TRAPPC9: variants seen among roughly 807,000 people sequenced by gnomAD.
The protein encoded by TRAPPC9 is trafficking protein particle complex subunit 9, also known as IKK2 binding protein.
In TRAPPC9, 83 loss-of-function variants were observed where a neutral mutation model predicts 124.0. The observed-to-expected ratio is 0.67, with a 90% CI of 0.56 to 0.80. The LOEUF is 0.80. TRAPPC9 is among the 30% of genes least tolerant of loss of function. The probability of loss-of-function intolerance (pLI) is 0.00; values close to 1 mark genes in which losing one functional copy is unlikely to be tolerated. For missense variants in TRAPPC9, 1,302 were observed against 1,508.3 expected (o/e 0.86, Z 2.27); for synonymous variants, 638 against 617.5 (o/e 1.03, Z -0.49).
At chr8:140,220,224 T>A (rs1422036958) in intron 17 of TRAPPC9, among the ~76,000 whole-genome samples, 1 of 152,062 alleles carries the variant, frequency 6.6e-6, no homozygotes, top group Non-Finnish European at 1.5e-5. Context: ...TACGATCCAT[T>A]ACCTAAAAGA....
chr8:140,449,807 T>C (rs1353806885), intron 2 of TRAPPC9, among the ~76,000 whole-genome samples: 1 of 152,226 alleles, frequency 6.6e-6, no homozygotes, highest in African/African-American at 2.4e-5. Context: ...AGCTAGGACC[T>C]AGCCCTTACC....
chr8:140,417,050 C>T (rs1409517598), intron 5 of TRAPPC9, among the ~76,000 whole-genome samples: 2 of 152,148 alleles, frequency 1.3e-5, no homozygotes, highest in Non-Finnish European at 2.9e-5. Flanking sequence ...CTTCCTTACA[C>T]CTTATACAAA....
chr8:140,403,414 G>A (rs2069350715), intron 6 of TRAPPC9, among the ~76,000 whole-genome samples: 1 of 150,440 alleles, frequency 6.6e-6, no homozygotes, highest in African/African-American at 2.4e-5. Flanking sequence ...GGGCAACAGA[G>A]CGAGACTCTG....
At chr8:139,936,355 A>C (rs368427655) in intron 19 of TRAPPC9, among the ~76,000 whole-genome samples, 87 of 152,372 alleles carry the variant, frequency 5.7e-4, no homozygotes, top group African/African-American at 2.1e-3. Flanking sequence ...TGCCAGGAGC[A>C]CAAGGCCACA....
intron 21 of TRAPPC9, among the ~76,000 whole-genome samples, chr8:139,816,988 T>C (rs1824882571): frequency 6.6e-6 from 1 of 151,734 alleles, no homozygotes; most frequent in Non-Finnish European, 1.5e-5. Flanking sequence ...CTTGCATTTT[T>C]GATGAATCCT....
At chr8:140,090,829 A>G (rs1844521162) in intron 17 of TRAPPC9, among the ~76,000 whole-genome samples, 1 of 152,194 alleles carries the variant, frequency 6.6e-6, no homozygotes, top group Non-Finnish European at 1.5e-5. Flanking sequence ...CTGTTCATTG[A>G]CAGCGGAGGC....
At chr8:139,988,105 CTTTTTT>C (rs773534032) in intron 19 of TRAPPC9, among the ~76,000 whole-genome samples, 1 of 114,470 alleles carries the variant, frequency 8.7e-6, no homozygotes. Flanking sequence ...GATACCACCT[CTTTTTT>C]TTTTTTTTTT....
intron 20 of TRAPPC9, among the ~76,000 whole-genome samples, chr8:139,895,643 T>C (rs1458149351): frequency 3.9e-5 from 6 of 152,216 alleles, no homozygotes; most frequent in Non-Finnish European, 8.8e-5. Flanking sequence ...GAGTTCACTA[T>C]GGGCCTGGGA....
At chr8:140,122,119 C>T (rs2061001074) in intron 17 of TRAPPC9, among the ~76,000 whole-genome samples, 1 of 151,824 alleles carries the variant, frequency 6.6e-6, no homozygotes, top group South Asian at 2.1e-4. Flanking sequence ...TGGGAAACTT[C>T]AATGAGTCAA....
chr8:139,937,921 A>ACC (rs1833639428), intron 19 of TRAPPC9, among the ~76,000 whole-genome samples: 3 of 152,148 alleles, frequency 2.0e-5, no homozygotes, highest in Admixed American at 1.3e-4. Context: ...GGTGAAATGC[A>ACC]TTACCAGATG....
In TRAPPC9 at chr8:139,732,016, A is replaced by G; in HGVS notation, c.3242T>C (p.Val1081Ala). The change falls in exon 22 of 23, where the codon GTC (valine) becomes GCC (alanine). Residue 1081 changes from valine (V) to alanine (A), a missense_variant. Val to Ala is a moderately conservative substitution (Grantham distance 64). This residue lies in a region of TRAPPC9 where 640 missense variants were observed against 679.3 expected (regional missense o/e 0.94). Coordinates refer to ENST00000438773, the MANE Select transcript of TRAPPC9 (RefSeq NM_001160372.4). ...GAAGGTGCTGGAGCCCACGAAGGAG[A>G]CGGTGTCGTGCAGGTCGTAGTTGTG... ...GVHNYDLHDT[V>A]SFVGSSTFYL... 2 of 1,598,878 alleles carry G rather than the reference A, an allele frequency of 1.3e-6. No individual in the cohort carries two copies. Among genetic ancestry groups the G allele is most frequent in the Non-Finnish European group, 1.7e-6 (2 of 1,172,630 alleles).
chr8:140,082,046 G>C (rs1843860033), intron 17 of TRAPPC9: 1 of 152,220 alleles, frequency 6.6e-6, no homozygotes, highest in Non-Finnish European at 1.5e-5. Context: ...AAGCAAGCCT[G>C]GGAACCAAAT....
chr8:140,112,271 G>A (rs1442819824), intron 17 of TRAPPC9, among the ~76,000 whole-genome samples: 5 of 151,812 alleles, frequency 3.3e-5, no homozygotes, highest in African/African-American at 1.2e-4. Flanking sequence ...GGTGCGAGGA[G>A]AGTAATGGAG....
Position 139,961,093 on chromosome 8 carries a change from G to A in TRAPPC9, c.2810+27633C>T, listed in dbSNP as rs942603897. On this transcript the variant is annotated intron_variant, in intron 19 of 22. Transcript: ENST00000438773. The stretch of plus-strand genomic sequence containing the variant: ...AGGACATGAGATCCCAACACAGAAC[G>A]TCCTTCTCCTGGTATATGCTGAAGA... Among the ~76,000 whole-genome samples, 111 of 124,678 alleles carry A rather than the reference G, an allele frequency of 8.9e-4. 35 individuals carry two copies. The highest frequency in any genetic ancestry group is 1.7e-3 in the Non-Finnish European group (91 of 52,278). 81.8% of individuals were successfully genotyped at this position (124,678 alleles called of 152,430 possible).
At chr8:140,296,149 T>C (rs2065797310) in intron 11 of TRAPPC9, among the ~76,000 whole-genome samples, 1 of 152,222 alleles carries the variant, frequency 6.6e-6, no homozygotes, top group Non-Finnish European at 1.5e-5. Context: ...ATAGGGAATA[T>C]AATAATGCCG....
chr8:140,230,443 T>C (rs1191082505), intron 16 of TRAPPC9, among the ~76,000 whole-genome samples: 1 of 152,020 alleles, frequency 6.6e-6, no homozygotes, highest in East Asian at 1.9e-4. Context: ...ACCCTGTCTC[T>C]ACTAAAAATA....
At chr8:139,895,233 G>A (rs529309434) in intron 20 of TRAPPC9, among the ~76,000 whole-genome samples, 9 of 152,216 alleles carry the variant, frequency 5.9e-5, no homozygotes, top group East Asian at 3.8e-4. Flanking sequence ...ACGAGGCGGG[G>A]GGCACACAGG....
chr8:139,774,359 G>C (rs1377460202), intron 21 of TRAPPC9, among the ~76,000 whole-genome samples: 1 of 152,164 alleles, frequency 6.6e-6, no homozygotes, highest in African/African-American at 2.4e-5. Flanking sequence ...CGGTGGGCTG[G>C]CCAGCCTCAG....
intron 6 of TRAPPC9, among the ~76,000 whole-genome samples, chr8:140,404,033 A>T (rs1242774739): frequency 6.6e-6 from 1 of 152,184 alleles, no homozygotes; most frequent in East Asian, 1.9e-4. Context: ...CAATCCAAAA[A>T]GATGTATGCA....
Sources: gnomAD v4.1 joint callset for allele counts (sites outside exome capture counted in the v4.1 genomes callset) on GRCh38, gnomAD v4.1.1 for gene constraint, gnomAD v4.1.1 regional missense constraint, MANE v1.5 for transcripts, NCBI Gene and HGNC (gene_info 2026-07-23, HGNC 2026-07-21) for gene names.